DLG2: variants seen among roughly 807,000 people sequenced by gnomAD.
DLG2 encodes the protein disks large homolog 2.
Under a neutral mutation model 132.5 loss-of-function variants are expected in DLG2, and 45 were observed. The observed-to-expected ratio is 0.34, with a 90% CI of 0.27 to 0.44. DLG2 has a LOEUF of 0.44. Ranked by LOEUF, DLG2 falls within the 20% of genes least tolerant of loss-of-function variation. DLG2 has a pLI of 1.00. For synonymous variants in DLG2, 424 were observed against 419.6 expected (o/e 1.01, Z -0.13); for missense variants, 1,045 against 1,196.9 (o/e 0.87, Z 1.87).
intron 3 of DLG2, among the ~76,000 whole-genome samples, chr11:85,441,743 T>TACTAGAACA (rs1397836183): frequency 6.6e-6 from 1 of 152,126 alleles, no homozygotes; most frequent in Admixed American, 6.5e-5. Flanking sequence ...AATCTACTAA[T>TACTAGAACA]GTATAAAGGC....
rs182377530 is a variant in DLG2, at chr11:83,709,358, C to T, written c.1826-76033G>A. ...TATATACATATATATAATATATATA[C>T]ACACACACACACATATATATATAAC... On this transcript the variant is annotated intron_variant, in intron 18 of 27. Coordinates refer to ENST00000376104, the MANE Select transcript of DLG2 (RefSeq NM_001142699.3). Among the ~76,000 whole-genome samples, 929 of 146,130 alleles carry T rather than the reference C, an allele frequency of 6.4e-3. 6 individuals are homozygous for T. The highest frequency in any genetic ancestry group is 0.011 in the Admixed American group (163 of 14,516).
At chr11:83,992,734 C>A (rs1175340997) in intron 11 of DLG2, among the ~76,000 whole-genome samples, 5 of 152,008 alleles carry the variant, frequency 3.3e-5, no homozygotes, top group Non-Finnish European at 7.4e-5. Flanking sequence ...GATAAGAGGT[C>A]ACTCCCTCCA....
At chr11:84,147,703 G>T (rs2095137051) in intron 9 of DLG2, among the ~76,000 whole-genome samples, 1 of 152,008 alleles carries the variant, frequency 6.6e-6, no homozygotes, top group Non-Finnish European at 1.5e-5. Flanking sequence ...ACACATTTCA[G>T]AGATCACTTA....
At chr11:83,565,774 G>T (rs1266446432) in intron 19 of DLG2, among the ~76,000 whole-genome samples, 3 of 152,156 alleles carry the variant, frequency 2.0e-5, no homozygotes, top group African/African-American at 7.2e-5. Flanking sequence ...ACTCCAACTT[G>T]GACATTTCAC....
At chr11:84,521,401 A>AGCT (rs376538490) in intron 7 of DLG2, among the ~76,000 whole-genome samples, 5 of 152,338 alleles carry the variant, frequency 3.3e-5, no homozygotes, top group African/African-American at 1.2e-4. Flanking sequence ...TTCCTGTCTC[A>AGCT]GCTATAGTGT....
chr11:83,511,099 C>T (rs1271181878), intron 21 of DLG2, among the ~76,000 whole-genome samples: 1 of 149,832 alleles, frequency 6.7e-6, no homozygotes, highest in Non-Finnish European at 1.5e-5. Context: ...CACACACACA[C>T]ACACACACAC....
chr11:83,567,082 G>A (rs1352049357), intron 19 of DLG2, among the ~76,000 whole-genome samples: 1 of 152,054 alleles, frequency 6.6e-6, no homozygotes, highest in Non-Finnish European at 1.5e-5. Flanking sequence ...TCCTAGAAAT[G>A]GAAACAGAGA....
intron 6 of DLG2, among the ~76,000 whole-genome samples, chr11:85,020,247 T>TGGCTGCATAAATGTCTTCTTTTG (rs1175762670): frequency 1.3e-5 from 2 of 152,362 alleles, no homozygotes; most frequent in East Asian, 3.9e-4. Flanking sequence ...CATGTGTTGT[T>TGGCTGCATAAATGTCTTCTTTTG]GGCTGCATAA....
intron 5 of DLG2, among the ~76,000 whole-genome samples, chr11:85,115,968 G>C (rs2073509407): frequency 6.6e-6 from 1 of 151,924 alleles, no homozygotes; most frequent in Non-Finnish European, 1.5e-5. Context: ...ACCCAGATCT[G>C]ATCCTGTAAA....
At chr11:85,504,352 C>T (rs1336913805) in intron 3 of DLG2, among the ~76,000 whole-genome samples, 3 of 151,940 alleles carry the variant, frequency 2.0e-5, no homozygotes, top group Non-Finnish European at 2.9e-5. Context: ...TTAGGTCTAA[C>T]ATTTAAGTCT....
At chr11:84,206,452 A>G (rs2096666630) in intron 8 of DLG2, among the ~76,000 whole-genome samples, 1 of 152,106 alleles carries the variant, frequency 6.6e-6, no homozygotes, top group Non-Finnish European at 1.5e-5. Flanking sequence ...GAAAAGCAAA[A>G]GATCAATATC....
At chr11:85,160,843 C>A (rs1317047976) in intron 4 of DLG2, among the ~76,000 whole-genome samples, 2 of 151,586 alleles carry the variant, frequency 1.3e-5, no homozygotes, top group Non-Finnish European at 2.9e-5. Context: ...AGGCACCATA[C>A]CCCTGCATAC....
chr11:84,167,027 G>C (rs913576019), intron 8 of DLG2: 4 of 532,666 alleles, frequency 7.5e-6, no homozygotes, highest in Non-Finnish European at 1.5e-5. Flanking sequence ...TGTTATTCCA[G>C]TTCTGGCCCT....
At chr11:84,806,623 C>G (rs573902450) in intron 6 of DLG2, among the ~76,000 whole-genome samples, 1 of 152,198 alleles carries the variant, frequency 6.6e-6, no homozygotes, top group Non-Finnish European at 1.5e-5. Flanking sequence ...TTAAGACATT[C>G]TCAGATAAAG....
intron 4 of DLG2, among the ~76,000 whole-genome samples, chr11:85,210,110 T>A (rs2082163152): frequency 6.6e-6 from 1 of 152,202 alleles, no homozygotes; most frequent in Non-Finnish European, 1.5e-5. Context: ...ATCTAATTAA[T>A]TATTTATCTT....
intron 6 of DLG2, among the ~76,000 whole-genome samples, chr11:84,861,989 G>C (rs889010251): frequency 5.9e-5 from 8 of 136,184 alleles, no homozygotes; most frequent in Non-Finnish European, 1.1e-4. Flanking sequence ...TGAACAATGA[G>C]AACACATGGA....
intron 3 of DLG2, among the ~76,000 whole-genome samples, chr11:85,415,837 T>C (rs1363329647): frequency 6.6e-6 from 1 of 151,884 alleles, no homozygotes; most frequent in Non-Finnish European, 1.5e-5. Context: ...TATCATCAGA[T>C]ACTAACTAAA....
intron 6 of DLG2, among the ~76,000 whole-genome samples, chr11:84,604,236 A>G (rs1487649396): frequency 2.0e-5 from 3 of 151,998 alleles, no homozygotes; most frequent in Non-Finnish European, 4.4e-5. Flanking sequence ...ATCAACAGGA[A>G]TAAGAAAAAG....
chr11:83,914,430 T>A (rs1248396909), intron 15 of DLG2, among the ~76,000 whole-genome samples: 1 of 152,154 alleles, frequency 6.6e-6, no homozygotes, highest in Non-Finnish European at 1.5e-5. Context: ...GCAACGCAAA[T>A]GGACCAAGAC....
Sources: gnomAD v4.1 joint callset for allele counts (sites outside exome capture counted in the v4.1 genomes callset) on GRCh38, gnomAD v4.1.1 for gene constraint, MANE v1.5 for transcripts, NCBI Gene and HGNC (gene_info 2026-07-23, HGNC 2026-07-21) for gene names.